Variants in PCNX1 observed in about 807,000 individuals in gnomAD.
PCNX1 encodes the protein pecanex 1.
Under a neutral mutation model 242.2 loss-of-function variants are expected in PCNX1, and 78 were observed. The observed-to-expected ratio is 0.32, with a 90% CI of 0.27 to 0.39. The LOEUF (loss-of-function observed/expected upper bound fraction) is 0.39, where lower values mean the gene tolerates loss of function less well. PCNX1 is among the 10% of genes least tolerant of loss of function. The pLI is 1.00. For synonymous variants in PCNX1, 1,024 were observed against 1,032.9 expected (o/e 0.99, Z 0.17); for missense variants, 2,581 against 2,856.5 (o/e 0.90, Z 2.20).
At position 70,955,890 on chromosome 14, in the gene PCNX1, A is replaced by AT. The variant is rs377523374; in HGVS notation, c.363-6330dup. Among the ~76,000 whole-genome samples, 40 of 151,804 alleles carry AT rather than the reference A, an allele frequency of 2.6e-4. No homozygotes were observed. In the South Asian group the frequency reaches 6.7e-3, roughly 25 times the overall value. ...TTTTTTTAAATGAAAACCCCTGTTC[A>AT]TTTTTTCTCTTCATCATTTTTATTC... is the stretch of plus-strand genomic sequence containing the variant. On this transcript the variant is annotated intron_variant, in intron 2 of 35. Coordinates refer to ENST00000304743, the MANE Select transcript of PCNX1 (RefSeq NM_014982.3).
chr14:71,067,591 G>C (rs2061480927), intron 26 of PCNX1, among the ~76,000 whole-genome samples: 1 of 151,924 alleles, frequency 6.6e-6, no homozygotes, highest in Non-Finnish European at 1.5e-5. Context: ...AGGGTTTTTT[G>C]TGTCTCTGTC....
chr14:70,912,539 C>T (rs775196795), intron 1 of PCNX1, among the ~76,000 whole-genome samples: 8 of 151,822 alleles, frequency 5.3e-5, no homozygotes, highest in Non-Finnish European at 1.2e-4. Flanking sequence ...CTGAATTCCC[C>T]CCTAAACAAC....
chr14:70,985,937 ATAAAGT>A (rs76097922), intron 6 of PCNX1, among the ~76,000 whole-genome samples: 2,161 of 151,398 alleles, frequency 0.014, 24 homozygotes, highest in Middle Eastern at 0.034. Context: ...TTTTTCTTCT[ATAAAGT>A]TAAACAATTC....
At chr14:71,071,100 A>G (rs1474614758) in intron 26 of PCNX1, among the ~76,000 whole-genome samples, 3 of 152,138 alleles carry the variant, frequency 2.0e-5, no homozygotes, top group African/African-American at 2.4e-5. Flanking sequence ...CTAGCTTCCA[A>G]CTTTTCTTCT....
At chr14:70,983,292 C>T (rs1272141685) in intron 6 of PCNX1, among the ~76,000 whole-genome samples, 1 of 151,988 alleles carries the variant, frequency 6.6e-6, no homozygotes, top group Admixed American at 6.6e-5. Flanking sequence ...ATCTTTAACG[C>T]AAAGCTCAGC....
chr14:71,045,784 C>G (rs2060843817), intron 20 of PCNX1, among the ~76,000 whole-genome samples: 1 of 152,162 alleles, frequency 6.6e-6, no homozygotes, highest in African/African-American at 2.4e-5. Context: ...AAATTAAAAA[C>G]ATTTTTAATA....
intron 1 of PCNX1, among the ~76,000 whole-genome samples, chr14:70,919,281 A>G (rs548451545): frequency 5.9e-5 from 9 of 152,282 alleles, no homozygotes; most frequent in South Asian, 4.1e-4. Flanking sequence ...TTAAATTTCA[A>G]CTTTTTTAGT....
At chr14:71,079,703 C>T (rs1279220498) in intron 28 of PCNX1, among the ~76,000 whole-genome samples, 1 of 152,038 alleles carries the variant, frequency 6.6e-6, no homozygotes, top group Non-Finnish European at 1.5e-5. Context: ...TGTTCATATC[C>T]TTGACCTACT....
At chr14:71,091,217 T>C (rs2141676166) in intron 30 of PCNX1, among the ~76,000 whole-genome samples, 1 of 152,244 alleles carries the variant, frequency 6.6e-6, no homozygotes, top group East Asian at 1.9e-4. Flanking sequence ...ATATTGATCG[T>C]CACTTTGAGC....
chr14:70,977,142 T>C lies in PCNX1; in HGVS notation c.805T>C (p.Leu269=), dbSNP rs1380880970. The stretch of plus-strand genomic sequence containing the variant: ...CACAGAAGTAGCTTCTCTTGTACCT[T>C]TACACTCACACTCTTATAGAAAAGA... ...CDTEVASLVP[L]HSHSYRKDHR... is the part of the protein sequence containing the mutation. The change falls in exon 6 of 36, where the codon TTA becomes CTA. Residue 269 remains leucine (L), a synonymous_variant. Coordinates refer to ENST00000304743, the MANE Select transcript of PCNX1 (RefSeq NM_014982.3). 4 of 1,614,120 alleles carry C rather than the reference T, an allele frequency of 2.5e-6. No individual in the cohort carries two copies. The highest frequency in any genetic ancestry group is 3.4e-6 in the Non-Finnish European group (4 of 1,179,994).
At chr14:71,069,126 T>TATAAAACC (rs1345373984) in intron 26 of PCNX1, among the ~76,000 whole-genome samples, 2 of 152,116 alleles carry the variant, frequency 1.3e-5, no homozygotes, top group Non-Finnish European at 2.9e-5. Flanking sequence ...GGAAACACCT[T>TATAAAACC]ATAAAACCAT....
chr14:70,994,427 A>ATATATATATATATATG lies in PCNX1; in HGVS notation c.2445-1311_2445-1310insATATATATATATGTAT, dbSNP rs930212552. On this transcript the variant is annotated intron_variant, in intron 7 of 35. Coordinates refer to ENST00000304743, the MANE Select transcript of PCNX1 (RefSeq NM_014982.3). ...TATATATATATATATATATATATAT[A>ATATATATATATATATG]TATGTATGTATGTATGTTTCAACAT... Among the ~76,000 whole-genome samples the ATATATATATATATATG allele has an allele frequency of 4.3e-3, 384 of 88,430 alleles. 3 individuals are homozygous for ATATATATATATATATG. Among genetic ancestry groups the ATATATATATATATATG allele is most frequent in the African/African-American group, 0.013 (303 of 23,854 alleles). The allele number at this position is 88,430 out of a possible 152,430, so 58.0% of individuals were successfully genotyped here.
At chr14:70,949,029 T>C (rs2057605624) in intron 2 of PCNX1, among the ~76,000 whole-genome samples, 1 of 149,066 alleles carries the variant, frequency 6.7e-6, no homozygotes, top group Non-Finnish European at 1.5e-5. Context: ...AAAATGTGTG[T>C]GTATATATAC....
At chr14:70,924,366 CT>C (rs1389121230) in intron 1 of PCNX1, among the ~76,000 whole-genome samples, 1 of 152,084 alleles carries the variant, frequency 6.6e-6, no homozygotes, top group Non-Finnish European at 1.5e-5. Context: ...CCCGTATACA[CT>C]GCATCCGGTT....
At chr14:70,941,955 G>A (rs1171515630) in intron 1 of PCNX1, among the ~76,000 whole-genome samples, 4 of 152,224 alleles carry the variant, frequency 2.6e-5, no homozygotes, top group Admixed American at 6.5e-5. Flanking sequence ...ATCTCCTGGT[G>A]TGTTGTTTGC....
chr14:70,978,030 G>A lies in PCNX1; in HGVS notation c.1693G>A (p.Gly565Arg). The A allele has an allele frequency of 1.2e-6, 2 of 1,614,094 alleles. No individual in the cohort carries two copies. Among genetic ancestry groups the A allele is most frequent in the Non-Finnish European group, 1.7e-6 (2 of 1,180,004 alleles). ...SAHKSGRRRTGKKRASSFDSS... is the reference protein window; with the variant it reads ...SAHKSGRRRTRKKRASSFDSS... ...CCACAAGTCAGGCAGGAGACGCACA[G>A]GAAAAAAACGGGCTAGCAGTTTTGA... Residue 565 changes from glycine (G) to arginine (R), a missense_variant, in exon 6 of 36, where the codon GGA (glycine) becomes AGA (arginine). Around this residue, in one of 9 missense-constraint regions of PCNX1, gnomAD observed 1,204 missense variants for 1,216.7 expected, o/e 0.99. Coordinates refer to ENST00000304743, the MANE Select transcript of PCNX1 (RefSeq NM_014982.3).
chr14:70,955,881 C>T (rs946802791), intron 2 of PCNX1, among the ~76,000 whole-genome samples: 1 of 151,172 alleles, frequency 6.6e-6, no homozygotes, highest in Admixed American at 6.6e-5. Flanking sequence ...TAAATGAAAA[C>T]CCCTGTTCAT....
chr14:71,081,536 C>T (rs2061854631), intron 28 of PCNX1, among the ~76,000 whole-genome samples: 2 of 152,178 alleles, frequency 1.3e-5, no homozygotes, highest in Admixed American at 1.3e-4. Flanking sequence ...ATTACTGCCT[C>T]AATTTCAGAA....
rs2059067038 is a variant in PCNX1 at position 70,988,626 on chromosome 14, C to T, written c.2371C>T (p.Gln791Ter). 6.2e-7 allele frequency: 1 copy of T among 1,613,994 alleles called. No homozygotes were observed. ...FRRERSTFRR[Q>*]AVRRRHNAGS... ...CCGTGAACGCAGCACATTTAGGCGC[C>T]AGGCAGTACGGCGCCGGCACAATGC... The change falls in exon 7 of 36, where the codon CAG becomes TAG. Residue 791 changes from glutamine (Q) to a stop codon, truncating the protein, a stop_gained. Coordinates refer to ENST00000304743, the MANE Select transcript of PCNX1 (RefSeq NM_014982.3). LOFTEE classifies it high-confidence loss of function.
Sources: allele counts gnomAD v4.1 joint callset (sites outside exome capture counted in the v4.1 genomes callset), GRCh38; gene constraint gnomAD v4.1.1; regional missense constraint gnomAD v4.1.1; transcripts MANE v1.5; gene names NCBI Gene and HGNC (gene_info 2026-07-23, HGNC 2026-07-21).